CDC73: variants seen among roughly 807,000 people sequenced by gnomAD.
CDC73 encodes parafibromin.
A neutral mutation model predicts 83.7 loss-of-function variants in CDC73; 21 were observed. The observed-to-expected ratio is 0.25, with a 90% confidence interval of 0.18 to 0.36. The LOEUF is 0.36. CDC73 is among the 10% of genes least tolerant of loss of function. CDC73 has a pLI of 1.00. For missense variants in CDC73, 342 were observed against 653.3 expected (o/e 0.52, Z 5.19); for synonymous variants, 224 against 212.9 (o/e 1.05, Z -0.45).
chr1:193,209,278 G>GTAGA (rs1343244082), intron 11 of CDC73, among the ~76,000 whole-genome samples: 1 of 152,230 alleles, frequency 6.6e-6, no homozygotes, highest in Non-Finnish European at 1.5e-5. Flanking sequence ...AGCGGTAGTA[G>GTAGA]TAGAAGTGGC....
intron 10 of CDC73, among the ~76,000 whole-genome samples, chr1:193,196,471 T>C (rs994716711): frequency 2.0e-5 from 3 of 152,212 alleles, no homozygotes; most frequent in African/African-American, 7.2e-5. Context: ...TCCCGTGAGA[T>C]TCCATGTGAC....
intron 3 of CDC73, among the ~76,000 whole-genome samples, chr1:193,132,962 C>T (rs890440073): frequency 1.2e-4 from 17 of 137,794 alleles, no homozygotes; most frequent in East Asian, 2.3e-4. Flanking sequence ...AGTGCAGTGG[C>T]GCGATCTTGG....
chr1:193,140,652 A>G (rs1413107718), intron 6 of CDC73, among the ~76,000 whole-genome samples: 1 of 152,196 alleles, frequency 6.6e-6, no homozygotes, highest in Non-Finnish European at 1.5e-5. Flanking sequence ...AGCGACTAAC[A>G]GGCAGTGTAT....
At chr1:193,233,180 T>C (rs761973513) in intron 14 of CDC73, 26 bp downstream of exon 14, 193 of 1,587,792 alleles carry the variant, frequency 1.2e-4, no homozygotes, top group Non-Finnish European at 1.6e-4. Context: ...TATATATATC[T>C]TTTCACAGGT....
At chr1:193,221,200 ATGGGGGACT>A (rs1677463962) in intron 13 of CDC73, among the ~76,000 whole-genome samples, 1 of 152,190 alleles carries the variant, frequency 6.6e-6, no homozygotes, top group Non-Finnish European at 1.5e-5. Flanking sequence ...AGATTGGAGG[ATGGGGGACT>A]TGTATACCTG....
intron 15 of CDC73, among the ~76,000 whole-genome samples, chr1:193,244,235 A>G (rs1278616123): frequency 6.6e-6 from 1 of 152,252 alleles, no homozygotes; most frequent in African/African-American, 2.4e-5. Flanking sequence ...TAGTACAACT[A>G]GTTGGGAAAT....
intron 7 of CDC73, among the ~76,000 whole-genome samples, chr1:193,147,554 A>G (rs777223916): frequency 2.0e-5 from 3 of 151,904 alleles, no homozygotes; most frequent in Non-Finnish European, 4.4e-5. Context: ...TTTTTAGTAG[A>G]GACGGGGTTT....
chr1:193,204,389 A>G (rs979440961), intron 11 of CDC73, among the ~76,000 whole-genome samples: 4 of 150,504 alleles, frequency 2.7e-5, no homozygotes, highest in African/African-American at 7.4e-5. Flanking sequence ...TCCTGGGTTC[A>G]TGCCATTCTC....
chr1:193,132,037 A>G (rs1320955870), intron 3 of CDC73, among the ~76,000 whole-genome samples: 5 of 152,214 alleles, frequency 3.3e-5, no homozygotes, highest in Non-Finnish European at 7.3e-5. Context: ...ATAGTGGTGC[A>G]TGGTAGGTTC....
chr1:193,130,078 T>TA lies in CDC73; in HGVS notation c.238-95dup. 5.6e-6 allele frequency: 4 copies of TA among 711,124 alleles called. No homozygotes were observed. In the South Asian group the frequency reaches 6.2e-5, roughly 11 times the overall value. The allele number at this position is 711,124 out of a possible 1,614,324, so 44.1% of individuals were successfully genotyped here. A position where few individuals can be genotyped will look rare whatever the true frequency, so the allele number is the denominator to read the frequency against. On this transcript the variant is annotated intron_variant, in intron 2 of 16. Coordinates refer to ENST00000367435, the MANE Select transcript of CDC73 (RefSeq NM_024529.5). ...TGATTTAAAATACGTTTTTTCAAGA[T>TA]ATGTTGGAATAAAATTCAGACATTA...
chr1:193,181,297 T>C (rs201995399), intron 10 of CDC73: 43 of 1,613,978 alleles, frequency 2.7e-5, no homozygotes, highest in Non-Finnish European at 3.6e-5. Context: ...CCTCAGGGTT[T>C]GAGGGACTGT....
At chr1:193,190,121 C>A (rs1359125302) in intron 10 of CDC73, among the ~76,000 whole-genome samples, 1 of 152,126 alleles carries the variant, frequency 6.6e-6, no homozygotes. Flanking sequence ...CTAGGACTTA[C>A]CAGAAATACC....
chr1:193,135,746 T>C (rs180767296), intron 5 of CDC73, among the ~76,000 whole-genome samples, 157 bp downstream of exon 5: 14 of 152,304 alleles, frequency 9.2e-5, no homozygotes, highest in African/African-American at 7.2e-5. Flanking sequence ...TAGCTCAAGC[T>C]ATAGTTTTAG....
At chr1:193,146,116 T>C (rs1481444772) in intron 7 of CDC73, among the ~76,000 whole-genome samples, 1 of 152,058 alleles carries the variant, frequency 6.6e-6, no homozygotes, top group African/African-American at 2.4e-5. Flanking sequence ...GAAGAGAAAT[T>C]ATGTTGTATT....
chr1:193,122,077 G>A lies in CDC73; in HGVS notation c.-124G>A, dbSNP rs1305236786. On this transcript the variant is annotated 5_prime_UTR_variant, in exon 1 of 17. Coordinates refer to ENST00000367435, the MANE Select transcript of CDC73 (RefSeq NM_024529.5). ...GTAGGCGAGGACGGCTGTTAGTGCT[G>A]CTGCTGTTGGTTCGTCGCGGCGGCG... 5 of 890,108 alleles carry A rather than the reference G, an allele frequency of 5.6e-6. No individual in the cohort carries two copies. The highest frequency in any genetic ancestry group is 7.3e-6 in the Non-Finnish European group (4 of 551,710). 55.1% of individuals were successfully genotyped at this position (890,108 alleles called of 1,614,324 possible). A position where few individuals can be genotyped will look rare whatever the true frequency, so the allele number is the denominator to read the frequency against.
intron 10 of CDC73, among the ~76,000 whole-genome samples, chr1:193,158,777 A>G (rs565833921): frequency 6.6e-6 from 1 of 152,230 alleles, no homozygotes; most frequent in East Asian, 1.9e-4. Context: ...ATGAAACACT[A>G]TTTTTTATAT....
chr1:193,193,417 G>A (rs749143718), intron 10 of CDC73, among the ~76,000 whole-genome samples: 2 of 152,048 alleles, frequency 1.3e-5, no homozygotes, highest in Non-Finnish European at 2.9e-5. Flanking sequence ...AAATTCATAT[G>A]GTGTCACTCA....
At chr1:193,222,357 A>G (rs1677487208) in intron 13 of CDC73, among the ~76,000 whole-genome samples, 1 of 152,214 alleles carries the variant, frequency 6.6e-6, no homozygotes, top group South Asian at 2.1e-4. Flanking sequence ...CCTGGGAAAA[A>G]GTCACCGGGA....
At chr1:193,215,172 C>G (rs1238288222) in intron 13 of CDC73, among the ~76,000 whole-genome samples, 1 of 152,124 alleles carries the variant, frequency 6.6e-6, no homozygotes, top group Non-Finnish European at 1.5e-5. Context: ...CAAATTAGAC[C>G]TCAACAGTTA....
Sources: gnomAD v4.1 joint callset for allele counts (sites outside exome capture counted in the v4.1 genomes callset) on GRCh38, gnomAD v4.1.1 for gene constraint, MANE v1.5 for transcripts, NCBI Gene and HGNC (gene_info 2026-07-23, HGNC 2026-07-21) for gene names.